WDR19: variants seen among roughly 807,000 people sequenced by gnomAD.
WDR19 encodes WD repeat-containing protein 19.
WDR19 carries 121 observed loss-of-function variants against 180.0 expected under a neutral mutation model. That is an observed-to-expected ratio of 0.67 (90% CI 0.58 to 0.78). The LOEUF is 0.78. Among genes scored for constraint, WDR19 ranks in the 30% least tolerant of loss-of-function variants. The pLI is 0.00. For synonymous variants in WDR19, 497 were observed against 540.7 expected, an observed-to-expected ratio of 0.92 and a Z score of 1.12; for missense variants, 1,450 against 1,640.7, an observed-to-expected ratio of 0.88 and a Z score of 2.01.
In WDR19 at chr4:39,278,187, T is replaced by C; in HGVS notation, c.3897T>C (p.Ala1299=). 1 of 1,606,276 alleles carries C rather than the reference T, an allele frequency of 6.2e-7. No homozygotes were observed. Among genetic ancestry groups the C allele is most frequent in the Non-Finnish European group, 8.5e-7 (1 of 1,176,474 alleles). The stretch of plus-strand genomic sequence containing the variant: ...TGTGTCCACATTGTGACTTCCCTGC[T>C]CTATACTCAGAATTGAAGATGTAAG... The part of the protein sequence containing the change: ...WTVCPHCDFP[A]LYSELKIMLN... Residue 1299 remains alanine (A), a synonymous_variant, in exon 35 of 37, where the codon GCT becomes GCC. Coordinates refer to ENST00000399820, the MANE Select transcript of WDR19 (RefSeq NM_025132.4).
rs1334930868 is a variant in WDR19 at position 39,218,008 on chromosome 4, A to C, written c.1382A>C (p.Gln461Pro). ...HLIESEILDA[Q>P]EERETRLFPA... ...ATAGAAAGCGAAATCTTGGATGCTC[A>C]AGAAGAACGTGAGACTCGGCTTTTC... Residue 461 changes from glutamine (Q) to proline (P), a missense_variant, in exon 14 of 37, where the codon CAA (glutamine) becomes CCA (proline). Transcript: ENST00000399820. 1.9e-6 allele frequency: 3 copies of C among 1,613,692 alleles called. No homozygotes were observed. The African/African-American group carries it at 4.0e-5, about 22-fold the overall frequency.
At chr4:39,201,726 A>AT (rs908512642) in intron 6 of WDR19, among the ~76,000 whole-genome samples, 66 of 151,848 alleles carry the variant, frequency 4.3e-4, no homozygotes, top group Non-Finnish European at 8.7e-4. Flanking sequence ...TAGATAGTGG[A>AT]TTTTTTTTCC....
intron 30 of WDR19, among the ~76,000 whole-genome samples, 176 bp from the exon 31 acceptor site, chr4:39,269,800 T>C (rs142771088): frequency 2.3e-3 from 343 of 152,284 alleles, no homozygotes; most frequent in African/African-American, 7.6e-3. Flanking sequence ...CGAGACCCTA[T>C]CTCTGACAGA....
At chr4:39,256,081 GA>G (rs1336068211) in intron 27 of WDR19, 121 bp downstream of exon 27, 24 of 430,340 alleles carry the variant, frequency 5.6e-5, no homozygotes, top group Non-Finnish European at 8.2e-5. Context: ...ACTCAGATTT[GA>G]AATCTCAGAG....
rs1368108454 is a variant in WDR19 at position 39,202,803 on chromosome 4, T to C, written c.523-839T>C. ...TTATAATTTCTCTCTCTGATAATTC[T>C]ATTATTTTTATATCTGCTAACTCCT... is the stretch of plus-strand genomic sequence containing the variant. On this transcript the variant is annotated intron_variant, in intron 6 of 36. Transcript: ENST00000399820. 2.6e-5 allele frequency among the ~76,000 whole-genome samples: 4 copies of C among 152,118 alleles called. 1 individual carries two copies. The highest frequency in any genetic ancestry group is 5.9e-5 in the Non-Finnish European group (4 of 68,008).
intron 9 of WDR19, among the ~76,000 whole-genome samples, chr4:39,210,764 A>G (rs972149766): frequency 1.3e-5 from 2 of 152,226 alleles, no homozygotes; most frequent in African/African-American, 4.8e-5. Context: ...CAGAAAAAGC[A>G]TTGCACAAAG....
chr4:39,251,876 G>T (rs891965428), intron 24 of WDR19, among the ~76,000 whole-genome samples: 1 of 152,178 alleles, frequency 6.6e-6, no homozygotes, highest in African/African-American at 2.4e-5. Context: ...TGGAGACGAT[G>T]TGGAGAAATA....
chr4:39,223,796 A>C (rs1577921363), intron 14 of WDR19, among the ~76,000 whole-genome samples: 1 of 152,338 alleles, frequency 6.6e-6, no homozygotes, highest in East Asian at 1.9e-4. Flanking sequence ...TGGGTAGACT[A>C]ATTTCCCACT....
Position 39,253,099 on chromosome 4 carries a change from C to T in WDR19, c.2730-47C>T, listed in dbSNP as rs553654433. The T allele has an allele frequency of 1.3e-5, 19 of 1,516,450 alleles. No individual in the cohort carries two copies. In the African/African-American group the frequency reaches 2.0e-4, roughly 16 times the overall value. 93.9% of individuals were successfully genotyped at this position (1,516,450 alleles called of 1,614,324 possible). A position where few individuals can be genotyped will look rare whatever the true frequency, so the allele number is the denominator to read the frequency against. On this transcript the variant is annotated intron_variant, in intron 24 of 36. Coordinates refer to ENST00000399820, the MANE Select transcript of WDR19 (RefSeq NM_025132.4). ...TAAACATTTATCAACATTTTCTCCCCAAATTGACAGTGTTAAAAAAAGTTT... is the reference window on the plus strand; with the variant it reads ...TAAACATTTATCAACATTTTCTCCCTAAATTGACAGTGTTAAAAAAAGTTT...
At chr4:39,259,265 A>G (rs1734054186) in intron 28 of WDR19, among the ~76,000 whole-genome samples, 1 of 152,114 alleles carries the variant, frequency 6.6e-6, no homozygotes, top group Non-Finnish European at 1.5e-5. Flanking sequence ...ACCTAGCACC[A>G]TTTATCAAAA....
chr4:39,213,703 A>T (rs1445573662), intron 9 of WDR19, among the ~76,000 whole-genome samples: 1 of 152,166 alleles, frequency 6.6e-6, no homozygotes, highest in Non-Finnish European at 1.5e-5. Context: ...AAAGTTACTA[A>T]ACACACACAC....
chr4:39,188,260 A>G (rs1448102499), intron 3 of WDR19, among the ~76,000 whole-genome samples: 1 of 152,154 alleles, frequency 6.6e-6, no homozygotes, highest in Non-Finnish European at 1.5e-5. Context: ...ATCAGAAAAG[A>G]AAAGGTAAAT....
intron 33 of WDR19, 32 bp from the exon 34 acceptor site, chr4:39,276,988 G>A (rs900825090): frequency 3.1e-6 from 5 of 1,610,438 alleles, no homozygotes; most frequent in South Asian, 2.2e-5. Context: ...GAATAAAACG[G>A]CATTTTTAAA....
At position 39,214,690 on chromosome 4, in the gene WDR19, C is replaced by CAGATTGACA. The variant is rs1728877931; in HGVS notation, c.961+20_961+28dup. 1 of 1,462,464 alleles carries CAGATTGACA rather than the reference C, an allele frequency of 6.8e-7. No homozygotes were observed. Among genetic ancestry groups the CAGATTGACA allele is most frequent in the Non-Finnish European group, 9.5e-7 (1 of 1,049,416 alleles). The allele number at this position is 1,462,464 out of a possible 1,614,324, so 90.6% of individuals were successfully genotyped here. A position where few individuals can be genotyped will look rare whatever the true frequency, so the allele number is the denominator to read the frequency against. On this transcript the variant is annotated intron_variant, in intron 10 of 36. Transcript: ENST00000399820. Reference sequence around the variant, plus strand: ...AATAAAGGTATTGATTTTTCTGAAGCAGATTGACATTTTATCATTCCAGTT... The same window carrying CAGATTGACA: ...AATAAAGGTATTGATTTTTCTGAAGCAGATTGACAAGATTGACATTTTATCATTCCAGTT...
chr4:39,266,378 T>TA (rs994449695), intron 29 of WDR19, among the ~76,000 whole-genome samples: 125 of 151,636 alleles, frequency 8.2e-4, no homozygotes, highest in African/African-American at 1.8e-3. Context: ...CTGATGAGTT[T>TA]AAAAAAAAAA....
Position 39,234,418 on chromosome 4 carries a change from CTTTAA to C in WDR19, c.2254-340_2254-336del, listed in dbSNP as rs945594454. ...ACTACCTTCTAAAAATAAAAATTAA[CTTTAA>C]TTTAATTGATTACATTAATTTAATT... On this transcript the variant is annotated intron_variant, in intron 19 of 36. Coordinates refer to ENST00000399820, the MANE Select transcript of WDR19 (RefSeq NM_025132.4). Among the ~76,000 whole-genome samples the C allele has an allele frequency of 5.3e-5, 8 of 152,202 alleles. No individual in the cohort carries two copies. The East Asian group carries it at 1.3e-3, about 26-fold the overall frequency.
At chr4:39,256,225 G>T (rs1185084237) in intron 27 of WDR19, among the ~76,000 whole-genome samples, 3 of 152,092 alleles carry the variant, frequency 2.0e-5, no homozygotes, top group Admixed American at 6.6e-5. Context: ...TCTGATTATT[G>T]CAGTAGTTTC....
At chr4:39,268,285 G>A (rs549766529) in intron 30 of WDR19, among the ~76,000 whole-genome samples, 194 bp downstream of exon 30, 1 of 152,154 alleles carries the variant, frequency 6.6e-6, no homozygotes, top group South Asian at 2.1e-4. Flanking sequence ...CTGTATAAAT[G>A]TAAGAGACTA....
Position 39,224,905 on chromosome 4 carries a change from T to G in WDR19, c.1501T>G (p.Tyr501Asp). ...GTDTGVVQYF[Y>D]IEDWQFVNDY... Reference sequence around the variant, plus strand: ...TTAGACTGGTGTCGTTCAGTATTTCTACATTGAAGACTGGCAATTCGTTAA... The same window carrying G: ...TTAGACTGGTGTCGTTCAGTATTTCGACATTGAAGACTGGCAATTCGTTAA... Residue 501 changes from tyrosine (Y) to aspartate (D), a missense_variant, in exon 15 of 37, where the codon TAC (tyrosine) becomes GAC (aspartate). Coordinates refer to ENST00000399820, the MANE Select transcript of WDR19 (RefSeq NM_025132.4). 8.3e-6 allele frequency: 13 copies of G among 1,557,802 alleles called. No homozygotes were observed. Among genetic ancestry groups the G allele is most frequent in the Non-Finnish European group, 8.7e-6 (10 of 1,150,926 alleles).
Sources: gnomAD v4.1 joint callset for allele counts (sites outside exome capture counted in the v4.1 genomes callset) on GRCh38, gnomAD v4.1.1 for gene constraint, MANE v1.5 for transcripts, NCBI Gene and HGNC (gene_info 2026-07-23, HGNC 2026-07-21) for gene names.